The following SYNE1 variants were observed in gnomAD, a reference collection of about 807,000 sequenced individuals.
SYNE1 encodes spectrin repeat containing nuclear envelope protein 1, also known as nesprin-1.
Under a neutral mutation model 1,111.0 loss-of-function variants are expected in SYNE1, and 616 were observed. The observed-to-expected ratio is 0.55, with a 90% CI of 0.52 to 0.59. SYNE1 has a LOEUF of 0.59. SYNE1 is among the 20% of genes least tolerant of loss of function. The pLI is 0.00. For missense variants in SYNE1, 10,006 were observed against 10,417.0 expected (o/e 0.96, Z 1.72); for synonymous variants, 3,855 against 3,825.8 (o/e 1.01, Z -0.28).
chr6:152,285,321 C>T (rs1304677886), intron 95 of SYNE1, among the ~76,000 whole-genome samples: 1 of 152,192 alleles, frequency 6.6e-6, no homozygotes, highest in Non-Finnish European at 1.5e-5. Flanking sequence ...AAGTCAACTT[C>T]CTCTCTCGAC....
chr6:152,576,559 G>A (rs1032742074), intron 3 of SYNE1, among the ~76,000 whole-genome samples: 1 of 152,130 alleles, frequency 6.6e-6, no homozygotes, highest in African/African-American at 2.4e-5. Flanking sequence ...ACTACTAGGG[G>A]ATGCAGGCTA....
chr6:152,550,451 T>C (rs1371249603), intron 3 of SYNE1, among the ~76,000 whole-genome samples: 2 of 151,992 alleles, frequency 1.3e-5, no homozygotes, highest in Non-Finnish European at 2.9e-5. Context: ...GTGGCAGTTA[T>C]ATAAGGACAC....
At chr6:152,524,907 T>G (rs1188437806) in intron 5 of SYNE1, among the ~76,000 whole-genome samples, 1 of 152,156 alleles carries the variant, frequency 6.6e-6, no homozygotes, top group Non-Finnish European at 1.5e-5. Context: ...CCCATATCCA[T>G]TGGTTGAGGG....
intron 4 of SYNE1, among the ~76,000 whole-genome samples, chr6:152,538,883 T>C (rs2099256598): frequency 6.6e-6 from 1 of 152,172 alleles, no homozygotes; most frequent in African/African-American, 2.4e-5. Context: ...TAGGCTTCTT[T>C]CATGGCTGGA....
At chr6:152,132,290 C>G in intron 143 of SYNE1, 76 bp from the exon 144 acceptor site, 1 of 1,184,708 alleles carries the variant, frequency 8.4e-7, no homozygotes. Flanking sequence ...CACGTTATCT[C>G]CCACTCCATC....
intron 138 of SYNE1, among the ~76,000 whole-genome samples, chr6:152,143,047 C>A (rs796182736): frequency 2.0e-5 from 3 of 152,230 alleles, no homozygotes; most frequent in African/African-American, 7.2e-5. Context: ...GGCAAATAAC[C>A]CTCTGCTAGA....
intron 11 of SYNE1, among the ~76,000 whole-genome samples, chr6:152,492,183 G>C (rs910815512): frequency 6.6e-6 from 1 of 152,192 alleles, no homozygotes; most frequent in African/African-American, 2.4e-5. Flanking sequence ...ACCCAGAGGG[G>C]CCAGAAGGCC....
At position 152,141,320 on chromosome 6, in the gene SYNE1, G is replaced by A. The variant is rs2058502108; in HGVS notation, c.25129C>T (p.Leu8377=). ...TCTATACTGCTACTGCATTCGCCCA[G>A]CAGTTTCATCTGTTTAGACATAAAC... ...DTSYKGYMKL[L]GECSSSIDSV... Residue 8377 remains leucine, a synonymous_variant, in exon 139 of 146, where the codon CTG becomes TTG. Transcript: ENST00000367255. 1 of 1,613,930 alleles carries A rather than the reference G, an allele frequency of 6.2e-7. No homozygotes were observed. Among genetic ancestry groups the A allele is most frequent in the Admixed American group, 1.7e-5 (1 of 60,008 alleles).
intron 96 of SYNE1, among the ~76,000 whole-genome samples, chr6:152,283,027 T>C (rs1400808768): frequency 6.6e-6 from 1 of 152,132 alleles, no homozygotes; most frequent in African/African-American, 2.4e-5. Context: ...TGCTAAGAGA[T>C]ACAAGATGAT....
chr6:152,354,823 C>T lies in SYNE1; in HGVS notation c.10762G>A (p.Glu3588Lys), dbSNP rs371209532. The T allele has an allele frequency of 8.7e-6, 14 of 1,614,068 alleles. No homozygotes were observed. The highest frequency in any genetic ancestry group is 3.3e-4 in the Middle Eastern group (2 of 6,084). Residue 3588 changes from glutamate (E) to lysine (K), a missense_variant, in exon 67 of 146, where the codon GAG becomes AAG. Transcript: ENST00000367255. ...DWQAYQHRLS[E>K]TRTQFNNVVN... ...ACGTTATTGAACTGAGTTCGAGTCT[C>T]GGACAGCCTGTGCTGGTAAGCCTGC... is the stretch of plus-strand genomic sequence containing the variant.
intron 102 of SYNE1, among the ~76,000 whole-genome samples, chr6:152,256,353 C>T (rs2090844194): frequency 1.3e-5 from 2 of 151,936 alleles, no homozygotes; most frequent in East Asian, 1.9e-4. Flanking sequence ...TCCCTTGAAC[C>T]CAGGAGGCGG....
At chr6:152,480,187 T>C (rs970068621) in intron 14 of SYNE1, among the ~76,000 whole-genome samples, 12 of 152,188 alleles carry the variant, frequency 7.9e-5, no homozygotes, top group African/African-American at 2.9e-4. Flanking sequence ...GAGACTGAGT[T>C]GGTGCCATTG....
intron 62 of SYNE1, 82 bp from the exon 63 acceptor site, chr6:152,365,101 C>G: frequency 2.6e-6 from 4 of 1,557,338 alleles, no homozygotes; most frequent in Non-Finnish European, 3.5e-6. Context: ...TCCTAAAGAT[C>G]ACAGAATAAT....
rs749200824 is a variant in SYNE1 at position 152,419,576 on chromosome 6, C to T, written c.5414G>A (p.Arg1805Gln). 9 of 1,612,448 alleles carry T rather than the reference C, an allele frequency of 5.6e-6. No homozygotes were observed. In the East Asian group the frequency reaches 6.7e-5, roughly 12 times the overall value. Residue 1805 changes from arginine to glutamine, a missense_variant, in exon 40 of 146, where the codon CGG becomes CAG. Arg to Gln is a conservative substitution (Grantham distance 43). This residue lies in a region of SYNE1 where 4,955 missense variants were observed against 5,017.2 expected (regional missense o/e 0.99). Coordinates refer to ENST00000367255, the MANE Select transcript of SYNE1 (RefSeq NM_182961.4). The stretch of plus-strand genomic sequence containing the variant: ...AAAAAAAAACCACTTTACCTTATGC[C>T]GAGTAAGGGCTACTTGATGGTCCAT... Reference protein sequence around the residue: ...SIMDHQVALTRHKDHAAEVES... With the variant: ...SIMDHQVALTQHKDHAAEVES...
chr6:152,389,459 G>A (rs192538341), intron 53 of SYNE1, among the ~76,000 whole-genome samples: 1 of 152,244 alleles, frequency 6.6e-6, no homozygotes, highest in Admixed American at 6.5e-5. Flanking sequence ...GGCACCCAGT[G>A]TGTCAATGAT....
chr6:152,399,675 C>A lies in SYNE1; in HGVS notation c.7178G>T (p.Ser2393Ile). 6.2e-7 allele frequency: 1 copy of A among 1,614,166 alleles called. No homozygotes were observed. Among genetic ancestry groups the A allele is most frequent in the South Asian group, 1.1e-5 (1 of 91,074 alleles). The change falls in exon 48 of 146, where the codon AGC (serine) becomes ATC (isoleucine). Residue 2393 changes from serine to isoleucine, a missense_variant. Transcript: ENST00000367255. ...TGLIKKHEAV[S>I]QLCSKTQASL... ...GGCCTGGGTTTTGGAGCACAACTGGCTCACGGCTTCATGTTTCTTTATCAG... is the reference window on the plus strand; with the variant it reads ...GGCCTGGGTTTTGGAGCACAACTGGATCACGGCTTCATGTTTCTTTATCAG...
intron 16 of SYNE1, among the ~76,000 whole-genome samples, chr6:152,468,798 T>C (rs1209889749): frequency 6.6e-6 from 1 of 152,086 alleles, no homozygotes; most frequent in Admixed American, 6.6e-5. Context: ...TTTTTTGAAA[T>C]AGGGTCTCAC....
Position 152,255,602 on chromosome 6 carries a change from A to T in SYNE1, c.19249T>A (p.Phe6417Ile). Residue 6417 changes from phenylalanine (F) to isoleucine (I), a missense_variant, in exon 103 of 146, where the codon TTC becomes ATC. By Grantham distance (21) the Phe-to-Ile change is conservative (BLOSUM62 0). Around this residue, in one of 7 missense-constraint regions of SYNE1, gnomAD observed 2,182 missense variants for 2,287.8 expected, o/e 0.95. Coordinates refer to ENST00000367255, the MANE Select transcript of SYNE1 (RefSeq NM_182961.4). ...ACTACTAAACCTACCTCTTGGTTGA[A>T]GAGACAAGTCTCTGTTTCTTCTGGT... ...LLPEETETCL[F>I]NQEILAKDIK... The T allele has an allele frequency of 6.2e-7, 1 of 1,614,224 alleles. No individual in the cohort carries two copies. The highest frequency in any genetic ancestry group is 8.5e-7 in the Non-Finnish European group (1 of 1,180,040).
chr6:152,595,798 G>A (rs554236893), intron 3 of SYNE1, among the ~76,000 whole-genome samples: 2 of 152,180 alleles, frequency 1.3e-5, no homozygotes, highest in South Asian at 2.1e-4. Flanking sequence ...AAACTTCAAG[G>A]TCACACAGCT....
Sources: gnomAD v4.1 joint callset for allele counts (sites outside exome capture counted in the v4.1 genomes callset) on GRCh38, gnomAD v4.1.1 for gene constraint, gnomAD v4.1.1 regional missense constraint, MANE v1.5 for transcripts, NCBI Gene and HGNC (gene_info 2026-07-23, HGNC 2026-07-21) for gene names.